Variants in FSD1L observed in about 807,000 individuals in gnomAD.
The protein encoded by FSD1L is FSD1-like protein.
Under a neutral mutation model 71.6 loss-of-function variants are expected in FSD1L, and 45 were observed. That is an observed-to-expected ratio of 0.63 (90% CI 0.49 to 0.81). The LOEUF (loss-of-function observed/expected upper bound fraction) is 0.81, where lower values mean the gene tolerates loss of function less well. FSD1L is among the 30% of genes least tolerant of loss of function. The probability of loss-of-function intolerance (pLI) is 0.00; values close to 1 mark genes in which losing one functional copy is unlikely to be tolerated. For synonymous variants in FSD1L, 197 were observed against 207.2 expected (o/e 0.95, Z 0.42); for missense variants, 561 against 618.1 (o/e 0.91, Z 0.98).
intron 2 of FSD1L, among the ~76,000 whole-genome samples, 196 bp downstream of exon 2, chr9:105,461,811 C>T (rs777415408): frequency 6.6e-6 from 1 of 152,066 alleles, no homozygotes; most frequent in Non-Finnish European, 1.5e-5. Context: ...CCCAGAAGTT[C>T]GAGACCAGCC....
At chr9:105,522,837 C>A in intron 10 of FSD1L, 1 of 1,611,642 alleles carries the variant, frequency 6.2e-7, no homozygotes. Context: ...AGGAAGTAGT[C>A]CAGGCAGCCT....
At chr9:105,487,869 A>G (rs1275969368) in intron 7 of FSD1L, among the ~76,000 whole-genome samples, 2 of 152,214 alleles carry the variant, frequency 1.3e-5, no homozygotes, top group African/African-American at 2.4e-5. Flanking sequence ...TTAAAAATAA[A>G]CTGTAGTTTT....
intron 12 of FSD1L, 84 bp downstream of exon 12, chr9:105,535,402 C>A (rs1836204632): frequency 1.4e-6 from 2 of 1,383,888 alleles, no homozygotes; most frequent in South Asian, 1.3e-5. Flanking sequence ...TACAGGATTT[C>A]CATTAGTATT....
At position 105,549,056 on chromosome 9, in the gene FSD1L, T is replaced by A. The variant is rs1837161149; in HGVS notation, c.*2573T>A. The A allele has an allele frequency of 2.0e-5, 3 of 152,238 alleles. No homozygotes were observed. The highest frequency in any genetic ancestry group is 4.1e-4 in the South Asian group (2 of 4,830). The allele number at this position is 152,238 out of a possible 1,614,324, so 9.4% of individuals were successfully genotyped here. A position where few individuals can be genotyped will look rare whatever the true frequency, so the allele number is the denominator to read the frequency against. Reference sequence around the variant, plus strand: ...TTTGAATTTAAAAATATTGAGCTCTTGATTACAATTTAATACATTGTAAAA... The same window carrying A: ...TTTGAATTTAAAAATATTGAGCTCTAGATTACAATTTAATACATTGTAAAA... On this transcript the variant is annotated 3_prime_UTR_variant, in exon 14 of 14. Coordinates refer to ENST00000481272, the MANE Select transcript of FSD1L (RefSeq NM_001145313.3).
chr9:105,471,897 T>TTC lies in FSD1L; in HGVS notation c.340-7_340-6insTC, dbSNP rs2131645444. 9 of 1,133,120 alleles carry TTC rather than the reference T, an allele frequency of 7.9e-6. No homozygotes were observed. Among genetic ancestry groups the TTC allele is most frequent in the South Asian group, 4.4e-5 (2 of 45,492 alleles). 70.2% of individuals were successfully genotyped at this position (1,133,120 alleles called of 1,614,324 possible). On this transcript the variant is annotated splice_region_variant and splice_polypyrimidine_tract_variant and intron_variant, in intron 4 of 13. Coordinates refer to ENST00000481272, the MANE Select transcript of FSD1L (RefSeq NM_001145313.3). The stretch of plus-strand genomic sequence containing the variant: ...TAATGACTTAGTTTTTTTTTTTTTT[T>TTC]CCCTAGAGTCAGATTAGTCAATGTA...
intron 10 of FSD1L, chr9:105,521,960 T>C (rs1835194015): frequency 6.2e-7 from 1 of 1,612,930 alleles, no homozygotes; most frequent in Admixed American, 1.7e-5. Flanking sequence ...GGTACATGGT[T>C]GTACAAGTAT....
upstream of FSD1L, among the ~76,000 whole-genome samples, chr9:105,447,443 T>C (rs1564068064): frequency 6.6e-6 from 1 of 152,116 alleles, no homozygotes; most frequent in Non-Finnish European, 1.5e-5. Context: ...TCTCTCATTT[T>C]ACAGATGAAA....
At chr9:105,539,178 A>G (rs532381817) in intron 12 of FSD1L, 85 bp from the exon 13 acceptor site, 10 of 657,684 alleles carry the variant, frequency 1.5e-5, no homozygotes, top group Non-Finnish European at 2.1e-5. Flanking sequence ...ATATATTATT[A>G]CTTTTTGCAT....
At chr9:105,513,050 T>TTCTTCACTTTGGTGC in intron 10 of FSD1L, 114 bp downstream of exon 10, 1 of 798,186 alleles carries the variant, frequency 1.3e-6, no homozygotes, top group Admixed American at 3.7e-5. Context: ...TTACAGTATA[T>TTCTTCACTTTGGTGC]TAGTAGCACC....
chr9:105,506,066 CTT>C lies in FSD1L; in HGVS notation c.587-332_587-331del, dbSNP rs1321592068. Among the ~76,000 whole-genome samples, 2 of 152,096 alleles carry C rather than the reference CTT, an allele frequency of 1.3e-5. 1 individual carries two copies. The highest frequency in any genetic ancestry group is 2.9e-5 in the Non-Finnish European group (2 of 68,000). ...ATACATTCAAGAGGGAAAATACACT[CTT>C]GAATTATTTCAGTCATTATATTCAA... On this transcript the variant is annotated intron_variant, in intron 7 of 13. Coordinates refer to ENST00000481272, the MANE Select transcript of FSD1L (RefSeq NM_001145313.3).
At chr9:105,470,109 A>G (rs28851907) in intron 4 of FSD1L, among the ~76,000 whole-genome samples, 19,791 of 151,976 alleles carry the variant, frequency 0.13, 1,663 homozygotes, top group East Asian at 0.47. Context: ...GTTTTGTTCC[A>G]TTGGTCTGTG....
intron 1 of FSD1L, among the ~76,000 whole-genome samples, chr9:105,448,509 CT>C (rs1829772720): frequency 6.6e-6 from 1 of 152,238 alleles, no homozygotes; most frequent in African/African-American, 2.4e-5. Context: ...AGCCATCCCC[CT>C]TTTAAAATCA....
intron 7 of FSD1L, among the ~76,000 whole-genome samples, chr9:105,504,608 A>G (rs1371943790): frequency 5.3e-5 from 8 of 152,188 alleles, no homozygotes; most frequent in Admixed American, 4.6e-4. Context: ...GACTGGTTCT[A>G]GCACCTTCGT....
intron 7 of FSD1L, among the ~76,000 whole-genome samples, chr9:105,489,208 C>A (rs1012276021): frequency 6.6e-6 from 1 of 152,042 alleles, no homozygotes; most frequent in Non-Finnish European, 1.5e-5. Flanking sequence ...AATCCTCCCA[C>A]CTATTAGGTA....
At chr9:105,521,326 A>G (rs1835136982) in intron 10 of FSD1L, 1 of 1,614,094 alleles carries the variant, frequency 6.2e-7, no homozygotes. Context: ...GATAAAGCAG[A>G]CAGAACTACA....
intron 7 of FSD1L, among the ~76,000 whole-genome samples, chr9:105,492,123 G>C (rs533094061): frequency 6.6e-6 from 1 of 152,130 alleles, no homozygotes; most frequent in Admixed American, 6.5e-5. Context: ...GAATCCATCT[G>C]GTCCTGGACT....
intron 12 of FSD1L, among the ~76,000 whole-genome samples, chr9:105,536,635 TTTG>T (rs1307240412): frequency 6.6e-6 from 1 of 152,066 alleles, no homozygotes; most frequent in Non-Finnish European, 1.5e-5. Flanking sequence ...TTTTTTTTGT[TTTG>T]TTTTGTTTTG....
chr9:105,474,351 T>C lies in FSD1L; in HGVS notation c.441+2346T>C, dbSNP rs544492066. Among the ~76,000 whole-genome samples the C allele has an allele frequency of 1.5e-4, 23 of 152,370 alleles. No individual in the cohort carries two copies. The South Asian group carries it at 4.6e-3, about 30-fold the overall frequency. On this transcript the variant is annotated intron_variant, in intron 5 of 13. Coordinates refer to ENST00000481272, the MANE Select transcript of FSD1L (RefSeq NM_001145313.3). Reference sequence around the variant, plus strand: ...TCCATTATTGACTGAAACGTAGTTATGTGGCACATTACTGTATCTGTCAGT... The same window carrying C: ...TCCATTATTGACTGAAACGTAGTTACGTGGCACATTACTGTATCTGTCAGT...
chr9:105,533,181 C>T (rs1201650975), intron 10 of FSD1L, among the ~76,000 whole-genome samples: 1 of 151,970 alleles, frequency 6.6e-6, no homozygotes, highest in African/African-American at 2.4e-5. Flanking sequence ...ACCAAAAAAT[C>T]TTTTGTTAAA....
Sources: allele counts gnomAD v4.1 joint callset (sites outside exome capture counted in the v4.1 genomes callset), GRCh38; gene constraint gnomAD v4.1.1; transcripts MANE v1.5; gene names NCBI Gene and HGNC (gene_info 2026-07-23, HGNC 2026-07-21).